The following CSMD1 variants were observed in gnomAD, a reference collection of about 807,000 sequenced individuals.
The protein encoded by CSMD1 is CUB and Sushi multiple domains 1, also known as CUB and sushi domain-containing protein 1.
In CSMD1, 213 loss-of-function variants were observed where a neutral mutation model predicts 417.5. That is an observed-to-expected ratio of 0.51 (90% CI 0.46 to 0.57). The LOEUF is 0.57. Among genes scored for constraint, CSMD1 ranks in the 20% least tolerant of loss-of-function variants. The pLI is 0.00. For missense variants in CSMD1, 6,923 were observed against 4,529.7 expected (o/e 1.53, Z -15.17); for synonymous variants, 2,862 against 1,736.8 (o/e 1.65, Z -16.11).
chr8:3,708,502 C>T lies in CSMD1; in HGVS notation c.932-11G>A. ...CAATCGCCTTTTTCACTGGAAGAAA[C>T]AAAACCAAGCCATTAGCAGGTAAGA... On this transcript the variant is annotated splice_polypyrimidine_tract_variant and intron_variant, in intron 6 of 69. Coordinates refer to ENST00000635120, the MANE Select transcript of CSMD1 (RefSeq NM_033225.6). 6.2e-7 allele frequency: 1 copy of T among 1,612,696 alleles called. No individual in the cohort carries two copies. The highest frequency in any genetic ancestry group is 8.5e-7 in the Non-Finnish European group (1 of 1,178,848).
At chr8:3,478,298 C>T (rs1469492060) in intron 11 of CSMD1, among the ~76,000 whole-genome samples, 1 of 152,202 alleles carries the variant, frequency 6.6e-6, no homozygotes, top group African/African-American at 2.4e-5. Context: ...ACCTCTTGAT[C>T]TTGCAGATCT....
chr8:3,131,535 G>A (rs1192143467), intron 41 of CSMD1, among the ~76,000 whole-genome samples: 5 of 148,772 alleles, frequency 3.4e-5, no homozygotes, highest in African/African-American at 9.9e-5. Flanking sequence ...GCAGTGGCGT[G>A]ATCTCTTCTC....
chr8:3,275,680 C>G (rs1802229723), intron 26 of CSMD1, among the ~76,000 whole-genome samples: 1 of 152,178 alleles, frequency 6.6e-6, no homozygotes, highest in Non-Finnish European at 1.5e-5. Flanking sequence ...TCATTCATTT[C>G]ATCTTCCATC....
intron 56 of CSMD1, 106 bp from the exon 57 acceptor site, chr8:2,973,405 C>G: frequency 1.8e-6 from 2 of 1,130,874 alleles, no homozygotes; most frequent in Non-Finnish European, 2.5e-6. Flanking sequence ...TTGTGTTTCA[C>G]ATGAGTTATG....
chr8:4,302,334 A>C (rs1020990646), intron 3 of CSMD1, among the ~76,000 whole-genome samples: 1 of 152,194 alleles, frequency 6.6e-6, no homozygotes, highest in Admixed American at 6.6e-5. Flanking sequence ...AAAAATAATA[A>C]CAATAATAGT....
intron 18 of CSMD1, among the ~76,000 whole-genome samples, chr8:3,383,943 T>C (rs1810799741): frequency 6.6e-6 from 1 of 152,088 alleles, no homozygotes; most frequent in Non-Finnish European, 1.5e-5. Context: ...CCCCACAGAC[T>C]TAAGGTTGCA....
intron 1 of CSMD1, among the ~76,000 whole-genome samples, 152 bp from the exon 2 acceptor site, chr8:4,637,710 C>G (rs940847563): frequency 2.3e-5 from 3 of 128,446 alleles, no homozygotes; most frequent in African/African-American, 8.7e-5. Context: ...GTCGCCCAGG[C>G]CGGACTGCGG....
intron 8 of CSMD1, among the ~76,000 whole-genome samples, chr8:3,610,903 CAAT>C (rs1050038757): frequency 3.3e-5 from 5 of 151,784 alleles, no homozygotes; most frequent in Admixed American, 6.6e-5. Context: ...AGTGCAGAAA[CAAT>C]GATGGGAAAA....
chr8:4,547,675 G>C (rs929745778), intron 2 of CSMD1, among the ~76,000 whole-genome samples: 1 of 152,160 alleles, frequency 6.6e-6, no homozygotes, highest in Non-Finnish European at 1.5e-5. Context: ...ATTGAGTTCT[G>C]TATGAGAAAT....
chr8:4,402,463 C>A (rs901045007), intron 3 of CSMD1, among the ~76,000 whole-genome samples: 1 of 152,146 alleles, frequency 6.6e-6, no homozygotes, highest in Non-Finnish European at 1.5e-5. Context: ...AGCTAAGCTT[C>A]CTGGTCTCTC....
At chr8:4,178,411 G>A (rs1221262532) in intron 3 of CSMD1, among the ~76,000 whole-genome samples, 1 of 150,674 alleles carries the variant, frequency 6.6e-6, no homozygotes, top group Non-Finnish European at 1.5e-5. Context: ...CAATAAATTA[G>A]GTATTGATGG....
intron 12 of CSMD1, among the ~76,000 whole-genome samples, chr8:3,436,698 G>C (rs772445132): frequency 4.9e-4 from 74 of 152,206 alleles, no homozygotes; most frequent in Non-Finnish European, 7.2e-4. Flanking sequence ...CGACACCTTA[G>C]AAACGCTTTC....
chr8:4,155,185 G>C (rs1171331267), intron 3 of CSMD1, among the ~76,000 whole-genome samples: 1 of 152,168 alleles, frequency 6.6e-6, no homozygotes, highest in Non-Finnish European at 1.5e-5. Context: ...ATTTGCCCAG[G>C]ATTGTCCTTT....
rs937462351 is a variant in CSMD1 at position 4,039,823 on chromosome 8, C to A, written c.416-7724G>T. Among the ~76,000 whole-genome samples, 4 of 152,158 alleles carry A rather than the reference C, an allele frequency of 2.6e-5. No homozygotes were observed. The East Asian group carries it at 5.8e-4, about 22-fold the overall frequency. On this transcript the variant is annotated intron_variant, in intron 3 of 69. Coordinates refer to ENST00000635120, the MANE Select transcript of CSMD1 (RefSeq NM_033225.6). ...AGGGAGTTACAGTCATCAGATCTGGCATCAAATAGATTTGGGTTTCTGCTC... is the reference window on the plus strand; with the variant it reads ...AGGGAGTTACAGTCATCAGATCTGGAATCAAATAGATTTGGGTTTCTGCTC...
intron 1 of CSMD1, among the ~76,000 whole-genome samples, chr8:4,666,375 A>C (rs1804935196): frequency 6.6e-6 from 1 of 152,186 alleles, no homozygotes; most frequent in Admixed American, 6.6e-5. Flanking sequence ...AGTCAGTGTG[A>C]AAGTGAGTCA....
At chr8:4,169,417 C>A (rs1584949513) in intron 3 of CSMD1, among the ~76,000 whole-genome samples, 1 of 152,260 alleles carries the variant, frequency 6.6e-6, no homozygotes, top group African/African-American at 2.4e-5. Context: ...TCGTCTTTTT[C>A]TCACATCCCA....
chr8:4,384,325 C>T (rs1803301641), intron 3 of CSMD1, among the ~76,000 whole-genome samples: 2 of 152,162 alleles, frequency 1.3e-5, no homozygotes, highest in Admixed American at 1.3e-4. Flanking sequence ...AAATCTACCT[C>T]ATGGCAACGC....
At chr8:2,967,558 C>G (rs1804077657) in intron 57 of CSMD1, among the ~76,000 whole-genome samples, 4 of 151,918 alleles carry the variant, frequency 2.6e-5, no homozygotes, top group Admixed American at 6.6e-5. Flanking sequence ...TTTAGTCGAG[C>G]CTATTTACCA....
In CSMD1 at chr8:3,910,209, T is replaced by A. The variant is rs75085068; in HGVS notation, c.818+87694A>T. ...ATTTTATAATGCACGGAAAACAATGTTCATGCAGTTCAGTGAATTGTGGGG... is the reference window on the plus strand; with the variant it reads ...ATTTTATAATGCACGGAAAACAATGATCATGCAGTTCAGTGAATTGTGGGG... On this transcript the variant is annotated intron_variant, in intron 5 of 69. Transcript: ENST00000635120. 1.8e-3 allele frequency among the ~76,000 whole-genome samples: 272 copies of A among 152,200 alleles called. 2 individuals carry two copies. The highest frequency in any genetic ancestry group is 6.2e-3 in the African/African-American group (258 of 41,542).
Sources: gnomAD v4.1 joint callset for allele counts (sites outside exome capture counted in the v4.1 genomes callset) on GRCh38, gnomAD v4.1.1 for gene constraint, MANE v1.5 for transcripts, NCBI Gene and HGNC (gene_info 2026-07-23, HGNC 2026-07-21) for gene names.